SEC23B: variants seen among roughly 807,000 people sequenced by gnomAD.
SEC23B encodes the protein protein transport protein Sec23B.
A neutral mutation model predicts 104.3 loss-of-function variants in SEC23B; 77 were observed. That is an observed-to-expected ratio of 0.74 (90% CI 0.61 to 0.89). The LOEUF is 0.89. Among genes scored for constraint, SEC23B ranks in the 40% least tolerant of loss-of-function variants. SEC23B has a pLI of 0.00. For synonymous variants in SEC23B, 338 were observed against 332.5 expected (o/e 1.02, Z -0.18); for missense variants, 885 against 949.4 (o/e 0.93, Z 0.89).
chr20:18,545,889 G>A lies in SEC23B; in HGVS notation c.1666-67G>A. 9 of 943,148 alleles carry A rather than the reference G, an allele frequency of 9.5e-6. No homozygotes were observed. The South Asian group carries it at 1.0e-4, about 11-fold the overall frequency. 58.4% of individuals were successfully genotyped at this position (943,148 alleles called of 1,614,324 possible). A position where few individuals can be genotyped will look rare whatever the true frequency, so the allele number is the denominator to read the frequency against. ...TAGTCCAGGAATATTTCCAGGTAAT[G>A]CTAACTTAGATTTTTCTCTCTCTTT... On this transcript the variant is annotated intron_variant, in intron 14 of 19. Coordinates refer to ENST00000650089, the MANE Select transcript of SEC23B (RefSeq NM_006363.6).
At chr20:18,527,313 G>C (rs1253910720) in intron 8 of SEC23B, among the ~76,000 whole-genome samples, 183 bp from the exon 9 acceptor site, 1 of 152,244 alleles carries the variant, frequency 6.6e-6, no homozygotes, top group African/African-American at 2.4e-5. Context: ...ATGATCACTT[G>C]AACCCGGGAG....
In SEC23B at chr20:18,525,816, A is replaced by G. The variant is rs1456355944; in HGVS notation, c.718A>G (p.Met240Val). 6.2e-7 allele frequency: 1 copy of G among 1,614,208 alleles called. No individual in the cohort carries two copies. The highest frequency in any genetic ancestry group is 1.1e-5 in the South Asian group (1 of 91,086). ...RFLQPVHKID[M>V]NLTDLLGELQ... Reference sequence around the variant, plus strand: ...TCTGCAGCCTGTTCACAAGATTGATATGAACCTCACTGATCTTCTTGGGGA... The same window carrying G: ...TCTGCAGCCTGTTCACAAGATTGATGTGAACCTCACTGATCTTCTTGGGGA... The change falls in exon 7 of 20, where the codon ATG (methionine) becomes GTG (valine). Residue 240 changes from methionine to valine, a missense_variant. By Grantham distance (21) the Met-to-Val change is conservative. Coordinates refer to ENST00000650089, the MANE Select transcript of SEC23B (RefSeq NM_006363.6).
In SEC23B at chr20:18,510,813, TA is replaced by T; in HGVS notation, c.-14-8del. 1 of 1,595,294 alleles carries T rather than the reference TA, an allele frequency of 6.3e-7. No homozygotes were observed. The highest frequency in any genetic ancestry group is 8.6e-7 in the Non-Finnish European group (1 of 1,162,874). On this transcript the variant is annotated splice_region_variant and splice_polypyrimidine_tract_variant and intron_variant, in intron 1 of 19. Transcript: ENST00000650089. ...CATACCATTAAGGTAATTAAAGTTT[TA>T]TCTTCAGTTCCCTTTTAGACTATGG...
chr20:18,531,724 C>G (rs1285159320), intron 10 of SEC23B, among the ~76,000 whole-genome samples: 2 of 144,844 alleles, frequency 1.4e-5, no homozygotes, highest in African/African-American at 5.1e-5. Flanking sequence ...GGCCCTGATA[C>G]AGCTGATTCT....
At chr20:18,543,553 TG>T (rs2060307910) in intron 14 of SEC23B, among the ~76,000 whole-genome samples, 1 of 152,190 alleles carries the variant, frequency 6.6e-6, no homozygotes, top group African/African-American at 2.4e-5. Flanking sequence ...CTGGATTTAA[TG>T]AGATGAGAGA....
chr20:18,535,278 G>A (rs946154008), intron 11 of SEC23B, among the ~76,000 whole-genome samples: 2 of 151,312 alleles, frequency 1.3e-5, no homozygotes, highest in East Asian at 1.9e-4. Context: ...GGGAGGCTGA[G>A]GCGGGAGGAT....
intron 6 of SEC23B, 62 bp downstream of exon 6, chr20:18,525,082 T>A: frequency 7.4e-7 from 1 of 1,359,830 alleles, no homozygotes; most frequent in South Asian, 1.2e-5. Flanking sequence ...TCCATGGGAG[T>A]AAGGGAAGAA....
intron 3 of SEC23B, among the ~76,000 whole-genome samples, chr20:18,512,979 A>G (rs1161502822): frequency 6.6e-6 from 1 of 152,112 alleles, no homozygotes; most frequent in Non-Finnish European, 1.5e-5. Flanking sequence ...AGGTCAAGAG[A>G]TCAAGACCAT....
chr20:18,520,527 A>G (rs1326084331), intron 4 of SEC23B, among the ~76,000 whole-genome samples: 1 of 151,958 alleles, frequency 6.6e-6, no homozygotes, highest in African/African-American at 2.4e-5. Flanking sequence ...GTAGCCTGGG[A>G]ATAGTCAGGG....
chr20:18,539,655 T>C (rs905219361), intron 12 of SEC23B, among the ~76,000 whole-genome samples: 1 of 145,990 alleles, frequency 6.8e-6, no homozygotes, highest in Non-Finnish European at 1.5e-5. Context: ...CTTTTTTTTT[T>C]TTTTTTTGAG....
chr20:18,512,099 A>G (rs2059986556), intron 2 of SEC23B, 126 bp from the exon 3 acceptor site: 2 of 648,638 alleles, frequency 3.1e-6, no homozygotes, highest in Admixed American at 2.9e-5. Flanking sequence ...GCATACACAT[A>G]GAAACACTTA....
At chr20:18,527,183 C>T (rs2060141491) in intron 8 of SEC23B, among the ~76,000 whole-genome samples, 1 of 152,174 alleles carries the variant, frequency 6.6e-6, no homozygotes, top group Non-Finnish European at 1.5e-5. Context: ...TGCCACTGCA[C>T]TCCAGCCTGG....
chr20:18,535,558 G>C (rs576792572), intron 11 of SEC23B, 95 bp from the exon 12 acceptor site: 1 of 881,302 alleles, frequency 1.1e-6, no homozygotes, highest in African/African-American at 1.6e-5. Flanking sequence ...GATACTCTAA[G>C]TAGCCTGCCC....
chr20:18,547,633 G>C (rs151192706), intron 15 of SEC23B, among the ~76,000 whole-genome samples: 5 of 152,014 alleles, frequency 3.3e-5, no homozygotes, highest in African/African-American at 1.2e-4. Flanking sequence ...CCTGTGCCTG[G>C]AATCCCCTTC....
In SEC23B at chr20:18,554,235, A is replaced by T; in HGVS notation, c.1993A>T (p.Thr665Ser). The T allele has an allele frequency of 6.2e-7, 1 of 1,614,126 alleles. No individual in the cohort carries two copies. The highest frequency in any genetic ancestry group is 8.5e-7 in the Non-Finnish European group (1 of 1,180,028). ...TTTTGGTTGGTTTGTTTCTGTGTAG[A>T]CCATAGCCCAGTGGCGTAAAGCTGG... ...FFQIVIYLGE[T>S]IAQWRKAGYQ... Residue 665 changes from threonine to serine, a missense_variant and splice_region_variant, in exon 18 of 20, where the codon ACC becomes TCC. Physicochemically the swap from Thr to Ser is moderately conservative, Grantham distance 58 (BLOSUM62 1). Transcript: ENST00000650089.
intron 10 of SEC23B, among the ~76,000 whole-genome samples, chr20:18,532,233 C>T (rs989613988): frequency 3.3e-5 from 5 of 152,108 alleles, no homozygotes; most frequent in African/African-American, 1.2e-4. Flanking sequence ...GTATGTTGGC[C>T]TTGTCGTTAT....
chr20:18,532,809 G>A (rs1023866688), intron 11 of SEC23B, 65 bp downstream of exon 11: 4 of 1,203,098 alleles, frequency 3.3e-6, no homozygotes, highest in Non-Finnish European at 5.0e-6. Context: ...AAGTGTCAGA[G>A]CATGATGATC....
At chr20:18,546,370 A>G (rs1004152191) in intron 15 of SEC23B, among the ~76,000 whole-genome samples, 2 of 152,198 alleles carry the variant, frequency 1.3e-5, no homozygotes, top group African/African-American at 4.8e-5. Flanking sequence ...ATGAGCACAC[A>G]TGGAGATGAA....
chr20:18,526,040 G>A (rs777264063), intron 7 of SEC23B, 108 bp downstream of exon 7: 14 of 1,295,066 alleles, frequency 1.1e-5, no homozygotes, highest in Non-Finnish European at 1.6e-5. Context: ...AACCGTCTGT[G>A]TTAATGTATC....
Sources: gnomAD v4.1 joint callset for allele counts (sites outside exome capture counted in the v4.1 genomes callset) on GRCh38, gnomAD v4.1.1 for gene constraint, MANE v1.5 for transcripts, NCBI Gene and HGNC (gene_info 2026-07-23, HGNC 2026-07-21) for gene names.